The following ADAM7 variants were observed in gnomAD, a reference collection of about 807,000 sequenced individuals.
ADAM7 encodes disintegrin and metalloproteinase domain-containing protein 7.
A neutral mutation model predicts 102.9 loss-of-function variants in ADAM7; 97 were observed. The observed-to-expected ratio is 0.94, with a 90% CI of 0.80 to 1.12. ADAM7 has a LOEUF of 1.12. ADAM7 is among the 50% of genes most tolerant of loss of function. The pLI, the probability that ADAM7 is intolerant of heterozygous loss-of-function variation, is 0.00. For synonymous variants in ADAM7, 334 were observed against 304.4 expected, an observed-to-expected ratio of 1.10 and a Z score of -1.01; for missense variants, 991 against 908.7, an observed-to-expected ratio of 1.09 and a Z score of -1.16.
chr8:24,496,622 G>T (rs1820563514), intron 16 of ADAM7, among the ~76,000 whole-genome samples: 1 of 152,190 alleles, frequency 6.6e-6, no homozygotes, highest in Non-Finnish European at 1.5e-5. Context: ...TGTGAGACAT[G>T]GAATCAAAGG....
intron 2 of ADAM7, 102 bp downstream of exon 2, chr8:24,442,678 A>G (rs558776002): frequency 4.5e-5 from 42 of 940,082 alleles, no homozygotes; most frequent in Non-Finnish European, 6.2e-5. Context: ...AGGAGTTTCA[A>G]TTTTTCTAAG....
At chr8:24,479,365 T>C (rs1416283700) in intron 8 of ADAM7, among the ~76,000 whole-genome samples, 3 of 151,984 alleles carry the variant, frequency 2.0e-5, no homozygotes, top group African/African-American at 7.3e-5. Context: ...AGGCTATTTT[T>C]GTTTTGTTTT....
At chr8:24,493,702 G>A (rs1460666184) in intron 16 of ADAM7, among the ~76,000 whole-genome samples, 1 of 152,146 alleles carries the variant, frequency 6.6e-6, no homozygotes, top group Admixed American at 6.6e-5. Flanking sequence ...AATGTATATT[G>A]ATGTCTAAAG....
chr8:24,452,805 T>C (rs1480497337), intron 3 of ADAM7, among the ~76,000 whole-genome samples: 1 of 151,684 alleles, frequency 6.6e-6, no homozygotes, highest in African/African-American at 2.4e-5. Flanking sequence ...TTCCTTTCCA[T>C]GTTTCGTGCT....
intron 8 of ADAM7, among the ~76,000 whole-genome samples, chr8:24,478,020 A>AT: frequency 6.6e-6 from 1 of 151,862 alleles, no homozygotes; most frequent in Non-Finnish European, 1.5e-5. Flanking sequence ...CACTATATTC[A>AT]TTTTTTTATT....
intron 8 of ADAM7, among the ~76,000 whole-genome samples, chr8:24,478,684 A>C (rs1250751813): frequency 6.6e-6 from 1 of 152,188 alleles, no homozygotes; most frequent in Non-Finnish European, 1.5e-5. Context: ...ATGGATAACT[A>C]ATTTAAATTT....
At chr8:24,483,882 A>T (rs1820045021) in intron 9 of ADAM7, among the ~76,000 whole-genome samples, 1 of 152,216 alleles carries the variant, frequency 6.6e-6, no homozygotes, top group African/African-American at 2.4e-5. Flanking sequence ...GATTCTAACC[A>T]GTAGCTTCTC....
chr8:24,468,304 C>T (rs542095643), intron 6 of ADAM7, among the ~76,000 whole-genome samples: 1 of 151,076 alleles, frequency 6.6e-6, no homozygotes, highest in African/African-American at 2.4e-5. Flanking sequence ...AAAAAAAAAC[C>T]TGAATGTTAA....
chr8:24,471,678 C>G (rs1209331668), intron 7 of ADAM7, among the ~76,000 whole-genome samples: 1 of 151,914 alleles, frequency 6.6e-6, no homozygotes, highest in Non-Finnish European at 1.5e-5. Flanking sequence ...GATGTTTGCA[C>G]AAAGAAGAAA....
chr8:24,492,612 G>GA lies in ADAM7; in HGVS notation c.1655+22dup, dbSNP rs765423414. ...TGTGAGGAGAAGTAAGTGCCCTGTGGAAAAAAAGTAATTTGCCTTCTTACA... is the reference window on the plus strand; with the variant it reads ...TGTGAGGAGAAGTAAGTGCCCTGTGGAAAAAAAAGTAATTTGCCTTCTTACA... On this transcript the variant is annotated intron_variant, in intron 15 of 21. Coordinates refer to ENST00000175238, the MANE Select transcript of ADAM7 (RefSeq NM_003817.4). 4.4e-6 allele frequency: 7 copies of GA among 1,591,930 alleles called. No individual in the cohort carries two copies. The South Asian group carries it at 6.7e-5, about 15-fold the overall frequency.
At chr8:24,484,152 G>C (rs1237643619) in intron 9 of ADAM7, among the ~76,000 whole-genome samples, 1 of 152,088 alleles carries the variant, frequency 6.6e-6, no homozygotes, top group Admixed American at 6.6e-5. Flanking sequence ...AATACCCCCA[G>C]AGTTTAAAAA....
chr8:24,481,993 T>C (rs1278313549), intron 8 of ADAM7, 149 bp from the exon 9 acceptor site: 3 of 532,962 alleles, frequency 5.6e-6, no homozygotes, highest in Non-Finnish European at 9.5e-6. Flanking sequence ...TTTTGATATA[T>C]CTGTTTGCAA....
chr8:24,452,883 A>G (rs1585857565), intron 3 of ADAM7, among the ~76,000 whole-genome samples: 1 of 150,156 alleles, frequency 6.7e-6, no homozygotes, highest in East Asian at 1.9e-4. Flanking sequence ...TTGTCTGTAA[A>G]GGATTTTATT....
chr8:24,474,717 C>A (rs951086345), intron 7 of ADAM7, among the ~76,000 whole-genome samples: 2 of 151,816 alleles, frequency 1.3e-5, no homozygotes, highest in Non-Finnish European at 2.9e-5. Context: ...ACAGCAAGAC[C>A]TCATCATGAC....
At chr8:24,471,639 A>G (rs1431815445) in intron 7 of ADAM7, among the ~76,000 whole-genome samples, 1 of 152,128 alleles carries the variant, frequency 6.6e-6, no homozygotes, top group African/African-American at 2.4e-5. Flanking sequence ...GTAGGTTATA[A>G]CATTTAGGTT....
At position 24,509,085 on chromosome 8, in the gene ADAM7, G is replaced by C. The variant is rs951958710; in HGVS notation, c.*539G>C. 49 of 986,056 alleles carry C rather than the reference G, an allele frequency of 5.0e-5. No homozygotes were observed. In the Admixed American group the frequency reaches 8.6e-4, roughly 17 times the overall value. The allele number at this position is 986,056 out of a possible 1,614,324, so 61.1% of individuals were successfully genotyped here. Reference sequence around the variant, plus strand: ...AAGTGAAAGAGGCAGAAGAATAGTGGACAGAACTGCAGGATAGTCCTTAAA... The same window carrying C: ...AAGTGAAAGAGGCAGAAGAATAGTGCACAGAACTGCAGGATAGTCCTTAAA... On this transcript the variant is annotated 3_prime_UTR_variant, in exon 22 of 22. Transcript: ENST00000175238.
At chr8:24,466,137 G>T (rs1444354930) in intron 5 of ADAM7, among the ~76,000 whole-genome samples, 1 of 152,160 alleles carries the variant, frequency 6.6e-6, no homozygotes, top group African/African-American at 2.4e-5. Flanking sequence ...TGAAACCCAG[G>T]TCTTTTGAAG....
At chr8:24,465,426 A>C (rs998421779) in intron 4 of ADAM7, among the ~76,000 whole-genome samples, 1 of 152,182 alleles carries the variant, frequency 6.6e-6, no homozygotes, top group Non-Finnish European at 1.5e-5. Context: ...ACAATTCTAA[A>C]ACTACTGTCG....
At chr8:24,458,751 T>G (rs1033513477) in intron 3 of ADAM7, among the ~76,000 whole-genome samples, 2 of 152,124 alleles carry the variant, frequency 1.3e-5, no homozygotes. Context: ...GTGTTCAGTA[T>G]TAAATGATTA....
Sources: gnomAD v4.1 joint callset for allele counts (sites outside exome capture counted in the v4.1 genomes callset) on GRCh38, gnomAD v4.1.1 for gene constraint, MANE v1.5 for transcripts, NCBI Gene and HGNC (gene_info 2026-07-23, HGNC 2026-07-21) for gene names.